The following CPAMD8 variants were observed in gnomAD, a reference collection of about 807,000 sequenced individuals.
The protein encoded by CPAMD8 is C3 and PZP like alpha-2-macroglobulin domain containing 8.
CPAMD8 carries 146 observed loss-of-function variants against 224.7 expected under a neutral mutation model. That is an observed-to-expected ratio of 0.65 (90% CI 0.57 to 0.75). The LOEUF (loss-of-function observed/expected upper bound fraction) is 0.75. Ranked by LOEUF, CPAMD8 falls within the 30% of genes least tolerant of loss-of-function variation. CPAMD8 has a pLI of 0.00. For missense variants in CPAMD8, 2,301 were observed against 2,537.5 expected (o/e 0.91, Z 2.00); for synonymous variants, 966 against 1,044.6 (o/e 0.92, Z 1.45).
chr19:17,011,407 G>A, intron 5 of CPAMD8, 57 bp downstream of exon 5: 1 of 1,582,942 alleles, frequency 6.3e-7, no homozygotes, highest in Non-Finnish European at 8.7e-7. Context: ...GGTGGCCCTG[G>A]CCAGGTAGTC....
At position 16,896,238 on chromosome 19, in the gene CPAMD8, C is replaced by T. The variant is rs2051977811; in HGVS notation, c.5364G>A (p.Leu1788=). The change falls in exon 41 of 42, where the codon CTG becomes CTA. Residue 1788 remains leucine (L), a synonymous_variant. Transcript: ENST00000443236. ...CCTCCACCTCAAGGCCGGCTCCATTCAGCTTCACGTCCTGCTGTAAAGGCC... is the reference window on the plus strand; with the variant it reads ...CCTCCACCTCAAGGCCGGCTCCATTTAGCTTCACGTCCTGCTGTAAAGGCC... ...APGPLQQDVK[L]NGAGLEVEDS... is the part of the protein sequence containing the mutation. 6.2e-7 allele frequency: 1 copy of T among 1,613,780 alleles called. No individual in the cohort carries two copies. The highest frequency in any genetic ancestry group is 1.1e-5 in the South Asian group (1 of 91,086).
chr19:17,004,756 C>A, intron 7 of CPAMD8, among the ~76,000 whole-genome samples: 1 of 152,064 alleles, frequency 6.6e-6, no homozygotes, highest in Admixed American at 6.6e-5. Flanking sequence ...ACTACTGACA[C>A]CTGGGGCCAC....
At chr19:16,893,399 C>A in intron 41 of CPAMD8, 60 bp from the exon 42 acceptor site, 4 of 1,210,628 alleles carry the variant, frequency 3.3e-6, no homozygotes, top group Admixed American at 2.4e-5. Context: ...GGGCCTCGGG[C>A]TGAGGAAGGA....
At chr19:16,965,915 G>T (rs2054811836) in intron 18 of CPAMD8, among the ~76,000 whole-genome samples, 1 of 152,146 alleles carries the variant, frequency 6.6e-6, no homozygotes, top group African/African-American at 2.4e-5. Flanking sequence ...TGGCCATACT[G>T]CCCAAGGTAA....
intron 29 of CPAMD8, among the ~76,000 whole-genome samples, chr19:16,909,404 C>T (rs911438960): frequency 5.9e-5 from 9 of 151,944 alleles, no homozygotes; most frequent in Non-Finnish European, 1.0e-4. Flanking sequence ...ATTAGCTGGG[C>T]GTGGTGGCGA....
At position 16,993,452 on chromosome 19, in the gene CPAMD8, G is replaced by A. The variant is rs769726178; in HGVS notation, c.1230C>T (p.Pro410=). The change falls in exon 12 of 42, where the codon CCC becomes CCT. Residue 410 remains proline, a synonymous_variant. Transcript: ENST00000443236. ...SQRGLVGFEI[P]SIPTSAQHVW... ...CGTGCTGGGCTGACGTGGGGATGGA[G>A]GGGATTTCAAACCCCACTAGTCCAC... The A allele has an allele frequency of 1.9e-6, 3 of 1,613,814 alleles. No homozygotes were observed. Among genetic ancestry groups the A allele is most frequent in the Non-Finnish European group, 2.5e-6 (3 of 1,179,802 alleles).
At chr19:17,004,438 A>T in intron 7 of CPAMD8, 52 bp from the exon 8 acceptor site, 1 of 1,210,796 alleles carries the variant, frequency 8.3e-7, no homozygotes, top group Non-Finnish European at 1.2e-6. Flanking sequence ...AGACACGGTG[A>T]GGTACGGGAA....
chr19:16,998,827 G>T (rs2056217021), intron 10 of CPAMD8, among the ~76,000 whole-genome samples: 1 of 152,128 alleles, frequency 6.6e-6, no homozygotes, highest in South Asian at 2.1e-4. Flanking sequence ...CCGCTCCTAG[G>T]AAAGAACCCA....
chr19:17,006,788 A>G (rs1356039465), intron 7 of CPAMD8, among the ~76,000 whole-genome samples: 1 of 152,048 alleles, frequency 6.6e-6, no homozygotes, highest in East Asian at 1.9e-4. Flanking sequence ...GCCTTCCAGG[A>G]TTGCCTCTGC....
chr19:17,012,964 C>T (rs925344067), intron 3 of CPAMD8, among the ~76,000 whole-genome samples: 1 of 151,154 alleles, frequency 6.6e-6, no homozygotes, highest in African/African-American at 2.4e-5. Context: ...GGGCGGATCA[C>T]CTGAGGTCAG....
At chr19:16,938,507 C>T (rs1309487015) in intron 22 of CPAMD8, 61 bp from the exon 23 acceptor site, 10 of 920,582 alleles carry the variant, frequency 1.1e-5, no homozygotes, top group East Asian at 2.7e-5. Flanking sequence ...GTCAGCTCAG[C>T]GGAGCAGCTG....
rs554176746 is a variant in CPAMD8 at position 16,996,478 on chromosome 19, G to T, written c.1095+633C>A. On this transcript the variant is annotated intron_variant, in intron 11 of 41. Transcript: ENST00000443236. ...CACCTGTCAGTCTCAGGAACAGAAGGTCTACCTTTGCAGGGCTCTCAACTT... is the reference window on the plus strand; with the variant it reads ...CACCTGTCAGTCTCAGGAACAGAAGTTCTACCTTTGCAGGGCTCTCAACTT... Among the ~76,000 whole-genome samples the T allele has an allele frequency of 3.3e-5, 5 of 152,250 alleles. No individual in the cohort carries two copies. In the East Asian group the frequency reaches 9.7e-4, roughly 29 times the overall value.
intron 13 of CPAMD8, among the ~76,000 whole-genome samples, chr19:16,989,033 C>T (rs1454513669): frequency 6.6e-6 from 1 of 152,138 alleles, no homozygotes; most frequent in Non-Finnish European, 1.5e-5. Flanking sequence ...CTCCCACCAC[C>T]CCCAGACGGG....
At chr19:17,019,600 G>A (rs2056899987) in intron 3 of CPAMD8, among the ~76,000 whole-genome samples, 1 of 152,074 alleles carries the variant, frequency 6.6e-6, no homozygotes, top group Non-Finnish European at 1.5e-5. Context: ...CTGTTGCCCA[G>A]GCTGGAGTGC....
At chr19:16,909,892 C>T (rs1291611473) in intron 29 of CPAMD8, among the ~76,000 whole-genome samples, 3 of 152,150 alleles carry the variant, frequency 2.0e-5, no homozygotes, top group African/African-American at 7.2e-5. Context: ...CATACTGTCA[C>T]CCAGGCTGGA....
intron 13 of CPAMD8, among the ~76,000 whole-genome samples, chr19:16,985,350 T>C (rs557904741): frequency 1.5e-4 from 22 of 148,446 alleles, no homozygotes; most frequent in Non-Finnish European, 2.4e-4. Flanking sequence ...GGCGGATGGA[T>C]GGATGGATGG....
In CPAMD8 at chr19:17,011,178, G is replaced by A. The variant is rs563146638; in HGVS notation, c.486+286C>T. 1.2e-4 allele frequency among the ~76,000 whole-genome samples: 18 copies of A among 152,144 alleles called. No individual in the cohort carries two copies. The East Asian group carries it at 3.1e-3, about 26-fold the overall frequency. ...CCACTGCACTCCAGCATTGGCAATAGAGCGAGAGACTCGGTCTTGGGGAAA... is the reference window on the plus strand; with the variant it reads ...CCACTGCACTCCAGCATTGGCAATAAAGCGAGAGACTCGGTCTTGGGGAAA... On this transcript the variant is annotated intron_variant, in intron 5 of 41. Coordinates refer to ENST00000443236, the MANE Select transcript of CPAMD8 (RefSeq NM_015692.5).
chr19:16,989,275 GC>G (rs1001391958), intron 13 of CPAMD8, among the ~76,000 whole-genome samples: 40 of 152,202 alleles, frequency 2.6e-4, no homozygotes, highest in African/African-American at 9.4e-4. Flanking sequence ...GGCTACTGCT[GC>G]CTTAGGGGCT....
chr19:16,920,581 C>G (rs1388719775), intron 27 of CPAMD8, among the ~76,000 whole-genome samples: 1 of 151,960 alleles, frequency 6.6e-6, no homozygotes, highest in African/African-American at 2.4e-5. Context: ...CTAGGCCGGG[C>G]ACGGTGGCTC....
Sources: gnomAD v4.1 joint callset for allele counts (sites outside exome capture counted in the v4.1 genomes callset) on GRCh38, gnomAD v4.1.1 for gene constraint, MANE v1.5 for transcripts, NCBI Gene and HGNC (gene_info 2026-07-23, HGNC 2026-07-21) for gene names.